PTPRD: variants seen among roughly 807,000 people sequenced by gnomAD.
PTPRD encodes the protein receptor-type tyrosine-protein phosphatase delta.
PTPRD carries 34 observed loss-of-function variants against 214.5 expected under a neutral mutation model. The ratio of observed to expected loss-of-function variants is 0.16; its 90% CI spans 0.12 to 0.21. The LOEUF (loss-of-function observed/expected upper bound fraction) is 0.21, where lower values mean the gene tolerates loss of function less well. Among genes scored for constraint, PTPRD ranks in the 10% least tolerant of loss-of-function variants. The pLI, the probability that PTPRD is intolerant of heterozygous loss-of-function variation, is 1.00. For synonymous variants in PTPRD, 1,128 were observed against 845.7 expected (o/e 1.33, Z -5.79); for missense variants, 2,545 against 2,398.7 (o/e 1.06, Z -1.27).
intron 36 of PTPRD, among the ~76,000 whole-genome samples, chr9:8,396,320 C>T (rs967036616): frequency 2.0e-5 from 3 of 152,126 alleles, no homozygotes; most frequent in African/African-American, 4.8e-5. Flanking sequence ...AATTCCAAAT[C>T]TGGAAGGCCC....
At chr9:9,950,540 C>T (rs1266975151) in intron 4 of PTPRD, among the ~76,000 whole-genome samples, 1 of 86,436 alleles carries the variant, frequency 1.2e-5, no homozygotes, top group South Asian at 3.7e-4. Context: ...CTGGCTAACA[C>T]GGTGAAACCC....
At chr9:9,198,124 T>A (rs2099939727) in intron 9 of PTPRD, among the ~76,000 whole-genome samples, 1 of 152,242 alleles carries the variant, frequency 6.6e-6, no homozygotes, top group African/African-American at 2.4e-5. Context: ...AAATTTGAGG[T>A]TTATATTTTT....
At chr9:9,475,452 C>T (rs1035379679) in intron 8 of PTPRD, among the ~76,000 whole-genome samples, 2 of 152,154 alleles carry the variant, frequency 1.3e-5, no homozygotes, top group African/African-American at 2.4e-5. Flanking sequence ...CAGGAGAAAT[C>T]GAACCTAAAA....
intron 35 of PTPRD, among the ~76,000 whole-genome samples, chr9:8,426,475 T>C (rs2094683364): frequency 6.6e-6 from 1 of 152,214 alleles, no homozygotes; most frequent in Non-Finnish European, 1.5e-5. Context: ...GTCCTTGCTA[T>C]GGTCTCTTGG....
At chr9:8,635,586 G>A (rs72698258) in intron 13 of PTPRD, among the ~76,000 whole-genome samples, 13,742 of 151,980 alleles carry the variant, frequency 0.09, 787 homozygotes, top group South Asian at 0.11. Flanking sequence ...TTGAACCCCT[G>A]ATCACCCTGT....
intron 3 of PTPRD, among the ~76,000 whole-genome samples, chr9:10,143,129 T>C (rs75828838): frequency 1.3e-5 from 2 of 150,416 alleles, no homozygotes; most frequent in African/African-American, 2.5e-5. Context: ...TGTTGTGAGG[T>C]GGGGGGAGGG....
intron 10 of PTPRD, among the ~76,000 whole-genome samples, chr9:9,042,907 C>T (rs1186689303): frequency 1.3e-5 from 2 of 152,078 alleles, no homozygotes; most frequent in Non-Finnish European, 2.9e-5. Context: ...GTGGCAACAG[C>T]AGCAGTAGTG....
intron 12 of PTPRD, among the ~76,000 whole-genome samples, chr9:8,716,993 C>T (rs1258768033): frequency 6.6e-6 from 1 of 152,096 alleles, no homozygotes; most frequent in Non-Finnish European, 1.5e-5. Flanking sequence ...TGGCAAAACC[C>T]CTTGTCTACA....
At chr9:9,554,227 A>G (rs903233591) in intron 8 of PTPRD, among the ~76,000 whole-genome samples, 1 of 152,080 alleles carries the variant, frequency 6.6e-6, no homozygotes. Flanking sequence ...ATGTTGTGCC[A>G]ATAAGGATGT....
intron 11 of PTPRD, among the ~76,000 whole-genome samples, chr9:8,796,485 T>C (rs1600094734): frequency 6.6e-6 from 1 of 152,248 alleles, no homozygotes; most frequent in East Asian, 1.9e-4. Flanking sequence ...ACAATACTTA[T>C]CAGTCATCAG....
chr9:8,667,348 T>C (rs894370693), intron 12 of PTPRD, among the ~76,000 whole-genome samples: 1 of 152,080 alleles, frequency 6.6e-6, no homozygotes, highest in Admixed American at 6.6e-5. Flanking sequence ...TCTAAATAAA[T>C]AAATAAAACA....
intron 28 of PTPRD, 89 bp downstream of exon 28, chr9:8,485,673 G>C (rs2096985955): frequency 1.7e-6 from 2 of 1,144,128 alleles, no homozygotes; most frequent in Admixed American, 5.4e-5. Flanking sequence ...AATATGAATG[G>C]GCTGATCAGT....
rs1248488447 is a variant in PTPRD at position 8,317,159 on chromosome 9, T to A, written c.*715A>T. 4.3e-6 allele frequency: 1 copy of A among 231,884 alleles called. No individual in the cohort carries two copies. Among genetic ancestry groups the A allele is most frequent in the East Asian group, 6.1e-5 (1 of 16,374 alleles). The allele number at this position is 231,884 out of a possible 1,614,324, so 14.4% of individuals were successfully genotyped here. On this transcript the variant is annotated 3_prime_UTR_variant, in exon 46 of 46. Coordinates refer to ENST00000381196, the MANE Select transcript of PTPRD (RefSeq NM_002839.4). ...CTGTAGATTGAGTTTTGCACAAAAA[T>A]GTGCAAATTTTCAAATGATTTGATA...
chr9:10,533,530 G>A (rs979008346), intron 2 of PTPRD, among the ~76,000 whole-genome samples: 1 of 136,928 alleles, frequency 7.3e-6, no homozygotes, highest in East Asian at 2.2e-4. Context: ...TCTAATTTTT[G>A]GTGTTTTTTT....
At chr9:9,426,568 C>T (rs191799872) in intron 8 of PTPRD, among the ~76,000 whole-genome samples, 24 of 152,226 alleles carry the variant, frequency 1.6e-4, no homozygotes, top group African/African-American at 5.5e-4. Context: ...GTGGATCTCC[C>T]AGCACGGAGT....
intron 3 of PTPRD, among the ~76,000 whole-genome samples, chr9:10,217,437 G>T (rs1277793280): frequency 6.6e-6 from 1 of 151,836 alleles, no homozygotes; most frequent in African/African-American, 2.4e-5. Flanking sequence ...CTGAGATCTT[G>T]AAAGAGGGAT....
In PTPRD at chr9:10,327,701, A is replaced by T. The variant is rs900999734; in HGVS notation, c.-545+13262T>A. 2.6e-5 allele frequency among the ~76,000 whole-genome samples: 4 copies of T among 151,614 alleles called. 1 individual carries two copies. The highest frequency in any genetic ancestry group is 9.7e-5 in the African/African-American group (4 of 41,442). ...TTTACAAGAAGTGCTATTTGAAACT[A>T]TTTTTTTTCCACTTTCCAAACCTCC... On this transcript the variant is annotated intron_variant, in intron 3 of 45. Transcript: ENST00000381196.
At chr9:10,511,982 AT>A in intron 2 of PTPRD, among the ~76,000 whole-genome samples, 1 of 103,382 alleles carries the variant, frequency 9.7e-6, no homozygotes, top group African/African-American at 3.6e-5. Context: ...GTGTGTATAT[AT>A]ATATACGTGT....
chr9:9,391,585 G>A (rs2065859585), intron 9 of PTPRD, among the ~76,000 whole-genome samples: 1 of 152,130 alleles, frequency 6.6e-6, no homozygotes, highest in South Asian at 2.1e-4. Flanking sequence ...CACAAAATCT[G>A]AATTCTGTAC....
Sources: allele counts gnomAD v4.1 joint callset (sites outside exome capture counted in the v4.1 genomes callset), GRCh38; gene constraint gnomAD v4.1.1; transcripts MANE v1.5; gene names NCBI Gene and HGNC (gene_info 2026-07-23, HGNC 2026-07-21).